COL4A1: variants seen among roughly 807,000 people sequenced by gnomAD.
COL4A1 encodes collagen type IV alpha 1 chain.
COL4A1 carries 40 observed loss-of-function variants against 216.6 expected under a neutral mutation model. The ratio of observed to expected loss-of-function variants is 0.18; its 90% CI spans 0.14 to 0.24. COL4A1 has a LOEUF of 0.24. Ranked by LOEUF, COL4A1 falls within the 10% of genes least tolerant of loss-of-function variation. COL4A1 has a pLI of 1.00. For missense variants in COL4A1, 1,628 were observed against 2,196.8 expected, an observed-to-expected ratio of 0.74 and a Z score of 5.18; for synonymous variants, 839 against 810.7, an observed-to-expected ratio of 1.03 and a Z score of -0.59.
At position 110,160,304 on chromosome 13, in the gene COL4A1, C is replaced by T. The variant is rs375688513; in HGVS notation, c.4640+888G>A. Reference sequence around the variant, plus strand: ...AAAAATACAAAAAATTAGCCGGGCGCGGTGGCGGGCGCCTGTAGTCCCAGC... The same window carrying T: ...AAAAATACAAAAAATTAGCCGGGCGTGGTGGCGGGCGCCTGTAGTCCCAGC... On this transcript the variant is annotated intron_variant, in intron 49 of 51. Coordinates refer to ENST00000375820, the MANE Select transcript of COL4A1 (RefSeq NM_001845.6). Among the ~76,000 whole-genome samples, 60 of 140,044 alleles carry T rather than the reference C, an allele frequency of 4.3e-4. 5 individuals carry two copies. In the East Asian group the frequency reaches 5.7e-3, roughly 13 times the overall value. The allele number at this position is 140,044 out of a possible 152,430, so 91.9% of individuals were successfully genotyped here.
intron 1 of COL4A1, among the ~76,000 whole-genome samples, chr13:110,243,499 A>G (rs1026289560): frequency 6.6e-6 from 1 of 152,104 alleles, no homozygotes; most frequent in Admixed American, 6.5e-5. Context: ...TTGTGTTTTT[A>G]GTAGAGATGG....
Position 110,179,322 on chromosome 13 carries a change from C to T in COL4A1, c.2293G>A (p.Val765Ile), listed in dbSNP as rs200687263. 4.3e-6 allele frequency: 7 copies of T among 1,614,148 alleles called. No homozygotes were observed. Among genetic ancestry groups the T allele is most frequent in the African/African-American group, 1.3e-5 (1 of 75,028 alleles). Residue 765 changes from valine (V) to isoleucine (I), a missense_variant, in exon 30 of 52, where the codon GTT becomes ATT. Transcript: ENST00000375820. ...CCGATCGCTCCATGTTCTCCAGGAA[C>T]GCCTGGTACCCCAATGCTCCCCTTC... ...GEKGSIGVPGVPGEHGAIGPP... is the reference protein window; with the variant it reads ...GEKGSIGVPGIPGEHGAIGPP...
At chr13:110,201,914 G>A (rs112447838) in intron 18 of COL4A1, among the ~76,000 whole-genome samples, 1,634 of 152,322 alleles carry the variant, frequency 0.011, 51 homozygotes, top group African/African-American at 0.037. Context: ...CCCAGGAGGT[G>A]GAGGTTGCAT....
At chr13:110,213,102 T>A (rs1879896185) in intron 4 of COL4A1, among the ~76,000 whole-genome samples, 1 of 152,036 alleles carries the variant, frequency 6.6e-6, no homozygotes, top group Non-Finnish European at 1.5e-5. Flanking sequence ...TACAATGGAC[T>A]TCGGGACTCA....
At chr13:110,306,631 G>A (rs1033041453) in intron 1 of COL4A1, among the ~76,000 whole-genome samples, 4 of 152,184 alleles carry the variant, frequency 2.6e-5, no homozygotes, top group African/African-American at 9.6e-5. Context: ...GAGCATACCC[G>A]CGACGCGGGT....
At chr13:110,200,972 G>A in intron 19 of COL4A1, 83 bp from the exon 20 acceptor site, 2 of 1,474,724 alleles carry the variant, frequency 1.4e-6, no homozygotes, top group Non-Finnish European at 9.5e-7. Context: ...TGAAAGCCTT[G>A]CTTGGTGCAT....
chr13:110,159,400 T>C (rs1353399645), intron 49 of COL4A1, among the ~76,000 whole-genome samples: 1 of 152,186 alleles, frequency 6.6e-6, no homozygotes, highest in East Asian at 1.9e-4. Context: ...TACGATTTCA[T>C]AGGGGCCCCC....
At chr13:110,305,827 T>C (rs1463325082) in intron 1 of COL4A1, 2 of 152,246 alleles carry the variant, frequency 1.3e-5, no homozygotes, top group Non-Finnish European at 2.9e-5. Context: ...ACAATTTCTA[T>C]ACAGTTAAGT....
chr13:110,262,150 T>A (rs1191488436), intron 1 of COL4A1, among the ~76,000 whole-genome samples: 1 of 152,056 alleles, frequency 6.6e-6, no homozygotes, highest in African/African-American at 2.4e-5. Context: ...AGTAGGAGCT[T>A]CAGAAACAGA....
At chr13:110,285,611 A>T (rs1472627762) in intron 1 of COL4A1, among the ~76,000 whole-genome samples, 1 of 152,174 alleles carries the variant, frequency 6.6e-6, no homozygotes, top group Non-Finnish European at 1.5e-5. Flanking sequence ...GAACTGGTGC[A>T]CTGAGTAAAG....
chr13:110,295,263 T>TC (rs2139316439), intron 1 of COL4A1, among the ~76,000 whole-genome samples: 1 of 106,108 alleles, frequency 9.4e-6, no homozygotes, highest in East Asian at 2.3e-4. Context: ...TCTTTCTTTT[T>TC]TTTTTTTTTT....
In COL4A1 at chr13:110,207,639, G is replaced by GA; in HGVS notation, c.694-151dup. ...TGTTCTAATCATCCTTGCCTCTGCA[G>GA]AAAATCAAATTTCAATAGGAAGATG... On this transcript the variant is annotated intron_variant, in intron 12 of 51. Coordinates refer to ENST00000375820, the MANE Select transcript of COL4A1 (RefSeq NM_001845.6). The surrounding 1 kb of genome is among the most constrained non-coding windows in gnomAD (Gnocchi z 4.4). 1.5e-6 allele frequency: 1 copy of GA among 661,482 alleles called. No individual in the cohort carries two copies. Among genetic ancestry groups the GA allele is most frequent in the Admixed American group, 2.8e-5 (1 of 35,526 alleles). The allele number at this position is 661,482 out of a possible 1,614,324, so 41.0% of individuals were successfully genotyped here. A position where few individuals can be genotyped will look rare whatever the true frequency, so the allele number is the denominator to read the frequency against.
In COL4A1 at chr13:110,264,731, C is replaced by T. The variant is rs138053574; in HGVS notation, c.85-21997G>A. ...TCTCCTCTCTCTCTGTCTCCTCCTT[C>T]CCCGTCTCTTTCTTTCTCCCTCTCT... On this transcript the variant is annotated intron_variant, in intron 1 of 51. Coordinates refer to ENST00000375820, the MANE Select transcript of COL4A1 (RefSeq NM_001845.6). Among the ~76,000 whole-genome samples, 462 of 152,276 alleles carry T rather than the reference C, an allele frequency of 3.0e-3. 1 individual carries two copies. The highest frequency in any genetic ancestry group is 0.01 in the Middle Eastern group (3 of 294).
chr13:110,187,353 C>T (rs1263742585), intron 24 of COL4A1, 24 bp from the exon 25 acceptor site: 1 of 1,611,566 alleles, frequency 6.2e-7, no homozygotes, highest in South Asian at 1.1e-5. Context: ...GCCTTGTGAT[C>T]CACAGAAGAA....
At chr13:110,166,643 G>C (rs1368619636) in intron 44 of COL4A1, among the ~76,000 whole-genome samples, 1 of 151,970 alleles carries the variant, frequency 6.6e-6, no homozygotes, top group African/African-American at 2.4e-5. Flanking sequence ...CTTTTTTCTA[G>C]AACCCAGAAG....
At position 110,210,219 on chromosome 13, in the gene COL4A1, G is replaced by T. The variant is rs1409868711; in HGVS notation, c.469-7C>A. ...GTATCTCACCTGGATCACCCTAGAG[G>T]ATGAAGAAAGAAAATAGAAAGTTGC... is the stretch of plus-strand genomic sequence containing the variant. On this transcript the variant is annotated splice_polypyrimidine_tract_variant and splice_region_variant and intron_variant, in intron 8 of 51. Coordinates refer to ENST00000375820, the MANE Select transcript of COL4A1 (RefSeq NM_001845.6). The T allele has an allele frequency of 6.2e-7, 1 of 1,612,724 alleles. No homozygotes were observed. Among genetic ancestry groups the T allele is most frequent in the Non-Finnish European group, 8.5e-7 (1 of 1,179,644 alleles).
chr13:110,225,335 G>A (rs1880688289), intron 2 of COL4A1, among the ~76,000 whole-genome samples: 1 of 152,230 alleles, frequency 6.6e-6, no homozygotes, highest in Non-Finnish European at 1.5e-5. Flanking sequence ...TATAATCCCA[G>A]CACTTTGGGA....
intron 21 of COL4A1, among the ~76,000 whole-genome samples, chr13:110,196,711 A>G (rs1727956340): frequency 6.6e-6 from 1 of 152,236 alleles, no homozygotes; most frequent in South Asian, 2.1e-4. Context: ...TTTACATTTT[A>G]CAACGCCTTC....
chr13:110,174,133 T>A, intron 39 of COL4A1, 135 bp from the exon 40 acceptor site: 3 of 1,003,674 alleles, frequency 3.0e-6, no homozygotes, highest in Non-Finnish European at 4.6e-6. Flanking sequence ...CTGAGGTCAG[T>A]TCTGACTTCC....
Sources: allele counts gnomAD v4.1 joint callset (sites outside exome capture counted in the v4.1 genomes callset), GRCh38; gene constraint gnomAD v4.1.1; non-coding constraint Gnocchi (gnomAD v3.1); transcripts MANE v1.5; gene names NCBI Gene and HGNC (gene_info 2026-07-23, HGNC 2026-07-21).